ERBB4: variants seen among roughly 807,000 people sequenced by gnomAD.
ERBB4 encodes the protein receptor tyrosine-protein kinase erbB-4.
A neutral mutation model predicts 158.0 loss-of-function variants in ERBB4; 42 were observed. That is an observed-to-expected ratio of 0.27 (90% confidence interval 0.21 to 0.34). The LOEUF is 0.34. ERBB4 is among the 10% of genes least tolerant of loss of function. The probability of loss-of-function intolerance (pLI) is 1.00; values close to 1 mark genes in which losing one functional copy is unlikely to be tolerated. For missense variants in ERBB4, 1,333 were observed against 1,624.1 expected (o/e 0.82, Z 3.08); for synonymous variants, 583 against 558.7 (o/e 1.04, Z -0.61).
At chr2:211,879,988 AAAAT>A (rs2078619002) in intron 3 of ERBB4, among the ~76,000 whole-genome samples, 1 of 150,610 alleles carries the variant, frequency 6.6e-6, no homozygotes, top group Admixed American at 6.6e-5. Flanking sequence ...TATATTAACA[AAAAT>A]AAATATATAA....
chr2:212,263,484 G>A (rs538432210), intron 1 of ERBB4, among the ~76,000 whole-genome samples: 18 of 152,080 alleles, frequency 1.2e-4, no homozygotes, highest in African/African-American at 2.6e-4. Context: ...TTTTCACAGC[G>A]GACTTCTATG....
intron 1 of ERBB4, among the ~76,000 whole-genome samples, chr2:212,426,600 T>C (rs1423832068): frequency 6.6e-6 from 1 of 152,148 alleles, no homozygotes; most frequent in Non-Finnish European, 1.5e-5. Context: ...TCAAGGTTCC[T>C]GCGTGTTTAT....
chr2:211,396,763 T>A (rs1274071692), intron 25 of ERBB4, among the ~76,000 whole-genome samples: 1 of 152,202 alleles, frequency 6.6e-6, no homozygotes, highest in Non-Finnish European at 1.5e-5. Flanking sequence ...GTTCCTATAA[T>A]TGCAGTGTGG....
chr2:211,754,307 G>A (rs989940676), intron 4 of ERBB4, among the ~76,000 whole-genome samples: 5 of 152,152 alleles, frequency 3.3e-5, no homozygotes, highest in African/African-American at 1.2e-4. Flanking sequence ...ATACGTAAAT[G>A]AGAGCAGTGT....
chr2:212,218,558 TG>T (rs1441879212), intron 1 of ERBB4, among the ~76,000 whole-genome samples: 1 of 151,454 alleles, frequency 6.6e-6, no homozygotes, highest in Admixed American at 6.6e-5. Context: ...GAATTAATAA[TG>T]TGTGAACCTG....
At chr2:211,746,621 G>A (rs2074980490) in intron 5 of ERBB4, among the ~76,000 whole-genome samples, 1 of 151,944 alleles carries the variant, frequency 6.6e-6, no homozygotes, top group South Asian at 2.1e-4. Flanking sequence ...CTGAGGTCAG[G>A]AGTTCAAGAC....
At chr2:211,985,008 A>G (rs2081902718) in intron 2 of ERBB4, among the ~76,000 whole-genome samples, 1 of 152,164 alleles carries the variant, frequency 6.6e-6, no homozygotes, top group Non-Finnish European at 1.5e-5. Context: ...GGCCTGGCAT[A>G]TAACACTTAG....
chr2:211,822,987 G>C (rs2077026589), intron 3 of ERBB4, among the ~76,000 whole-genome samples: 2 of 151,924 alleles, frequency 1.3e-5, no homozygotes, highest in South Asian at 4.1e-4. Context: ...ATCATCATGG[G>C]AAGAACTTCC....
At chr2:212,185,994 T>C (rs1176089409) in intron 1 of ERBB4, among the ~76,000 whole-genome samples, 1 of 152,206 alleles carries the variant, frequency 6.6e-6, no homozygotes, top group Non-Finnish European at 1.5e-5. Context: ...TAATTTGTAT[T>C]TGATCAAAAC....
At chr2:212,296,332 C>A (rs1034128617) in intron 1 of ERBB4, among the ~76,000 whole-genome samples, 2 of 151,066 alleles carry the variant, frequency 1.3e-5, no homozygotes, top group African/African-American at 4.9e-5. Flanking sequence ...TAGAAAGGAA[C>A]AAGGAAACTA....
At chr2:212,537,078 G>C (rs1353971862) in intron 1 of ERBB4, among the ~76,000 whole-genome samples, 1 of 152,090 alleles carries the variant, frequency 6.6e-6, no homozygotes, top group African/African-American at 2.4e-5. Context: ...TGTGCCATTC[G>C]AAGGTCATTT....
intron 4 of ERBB4, among the ~76,000 whole-genome samples, chr2:211,757,824 A>T (rs967437488): frequency 6.6e-6 from 1 of 152,186 alleles, no homozygotes; most frequent in East Asian, 1.9e-4. Context: ...GGAAACATAG[A>T]TCAATTATGA....
intron 1 of ERBB4, among the ~76,000 whole-genome samples, chr2:212,394,420 A>G (rs2106445242): frequency 6.6e-6 from 1 of 152,232 alleles, no homozygotes; most frequent in East Asian, 1.9e-4. Context: ...CATTTTGTCA[A>G]CATGAAAATT....
At chr2:211,577,961 G>A (rs949003738) in intron 19 of ERBB4, among the ~76,000 whole-genome samples, 1 of 151,990 alleles carries the variant, frequency 6.6e-6, no homozygotes, top group Non-Finnish European at 1.5e-5. Flanking sequence ...TTCTGGCCAG[G>A]GCAATCAGGC....
intron 20 of ERBB4, among the ~76,000 whole-genome samples, chr2:211,484,191 T>TA (rs140410243): frequency 6.6e-6 from 1 of 151,818 alleles, no homozygotes; most frequent in African/African-American, 2.4e-5. Flanking sequence ...ACAAAGGAGA[T>TA]AGAGTCATAA....
At chr2:211,444,319 T>C (rs753140748) in intron 20 of ERBB4, among the ~76,000 whole-genome samples, 10 of 152,046 alleles carry the variant, frequency 6.6e-5, no homozygotes, top group South Asian at 2.1e-4. Context: ...TGGATGACTA[T>C]GTATTCATTA....
At chr2:212,321,094 C>A (rs532847632) in intron 1 of ERBB4, among the ~76,000 whole-genome samples, 37 of 150,234 alleles carry the variant, frequency 2.5e-4, no homozygotes, top group African/African-American at 7.7e-4. Flanking sequence ...CGATGGTAAT[C>A]ATCTACATTA....
chr2:211,999,386 G>A (rs1340895565), intron 2 of ERBB4, among the ~76,000 whole-genome samples: 1 of 151,784 alleles, frequency 6.6e-6, no homozygotes, highest in African/African-American at 2.4e-5. Context: ...ACAGTAGTGT[G>A]AATTCCCTTG....
chr2:212,424,549 G>A (rs1004174647), intron 1 of ERBB4, among the ~76,000 whole-genome samples: 3 of 151,998 alleles, frequency 2.0e-5, no homozygotes, highest in South Asian at 2.1e-4. Flanking sequence ...TTTCTAACAC[G>A]TATTTTTACA....
Sources: gnomAD v4.1 joint callset for allele counts (sites outside exome capture counted in the v4.1 genomes callset) on GRCh38, gnomAD v4.1.1 for gene constraint, MANE v1.5 for transcripts, NCBI Gene and HGNC (gene_info 2026-07-23, HGNC 2026-07-21) for gene names.